Variants in CFDP1 observed in about 807,000 individuals in gnomAD.
CFDP1 encodes the protein heterochromatin-stabilizing protein CFDP1.
In CFDP1, 31 loss-of-function variants were observed where a neutral mutation model predicts 40.1. That is an observed-to-expected ratio of 0.77 (90% CI 0.58 to 1.04). CFDP1 has a LOEUF of 1.04. CFDP1 is among the 50% of genes least tolerant of loss of function. The pLI is 0.00. For missense variants in CFDP1, 423 were observed against 343.4 expected, an observed-to-expected ratio of 1.23 and a Z score of -1.83; for synonymous variants, 167 against 120.0, an observed-to-expected ratio of 1.39 and a Z score of -2.56.
intron 5 of CFDP1, among the ~76,000 whole-genome samples, chr16:75,322,941 G>C (rs1433875689): frequency 1.3e-5 from 2 of 152,120 alleles, no homozygotes; most frequent in Non-Finnish European, 2.9e-5. Context: ...AGTGGTGAGT[G>C]AATGTGACGG....
intron 5 of CFDP1, among the ~76,000 whole-genome samples, chr16:75,383,711 C>A (rs548515903): frequency 6.6e-6 from 1 of 150,954 alleles, no homozygotes; most frequent in East Asian, 2.0e-4. Context: ...CCCAGCTACT[C>A]GGGAAGCTGA....
intron 4 of CFDP1, among the ~76,000 whole-genome samples, chr16:75,404,543 C>G (rs926661059): frequency 6.6e-6 from 1 of 152,116 alleles, no homozygotes; most frequent in Non-Finnish European, 1.5e-5. Context: ...TCTTAAGATA[C>G]TGGTGGCCTA....
At chr16:75,342,635 G>A (rs192354394) in intron 5 of CFDP1, among the ~76,000 whole-genome samples, 9 of 151,950 alleles carry the variant, frequency 5.9e-5, no homozygotes, top group Admixed American at 1.3e-4. Context: ...ATACTACAGC[G>A]GAAAAAAAAC....
intron 1 of CFDP1, among the ~76,000 whole-genome samples, chr16:75,425,848 C>A (rs1167729478): frequency 6.7e-6 from 1 of 149,940 alleles, no homozygotes; most frequent in Non-Finnish European, 1.5e-5. Context: ...CCAGCCTGGC[C>A]AACATGGTGA....
At chr16:75,420,610 C>A (rs2079267091) in intron 1 of CFDP1, among the ~76,000 whole-genome samples, 1 of 152,142 alleles carries the variant, frequency 6.6e-6, no homozygotes. Context: ...GATTTGGACA[C>A]ACAAGCTATA....
intron 5 of CFDP1, among the ~76,000 whole-genome samples, chr16:75,337,241 C>G (rs1046212085): frequency 6.6e-6 from 1 of 152,206 alleles, no homozygotes; most frequent in Non-Finnish European, 1.5e-5. Flanking sequence ...AATGATGACA[C>G]TGGGAGAGGG....
intron 5 of CFDP1, among the ~76,000 whole-genome samples, chr16:75,361,684 A>G (rs2078680205): frequency 1.3e-5 from 2 of 152,132 alleles, no homozygotes; most frequent in Admixed American, 1.3e-4. Context: ...TAAAAAACTC[A>G]AAGAATTAAA....
chr16:75,353,056 T>G (rs759504086), intron 5 of CFDP1, among the ~76,000 whole-genome samples: 1 of 151,122 alleles, frequency 6.6e-6, no homozygotes, highest in Non-Finnish European at 1.5e-5. Flanking sequence ...GGCAACATCC[T>G]CAGTTTCTTC....
intron 1 of CFDP1, among the ~76,000 whole-genome samples, chr16:75,430,709 C>T (rs2079402707): frequency 6.6e-6 from 1 of 152,184 alleles, no homozygotes; most frequent in South Asian, 2.1e-4. Flanking sequence ...AATGATCCAC[C>T]AGCCTCTGCC....
chr16:75,351,884 T>A (rs373258954), intron 5 of CFDP1, among the ~76,000 whole-genome samples: 1 of 151,208 alleles, frequency 6.6e-6, no homozygotes, highest in African/African-American at 2.4e-5. Flanking sequence ...GGCACACGCC[T>A]ATAATCCCAG....
chr16:75,354,751 C>G (rs534238408), intron 5 of CFDP1, among the ~76,000 whole-genome samples: 5 of 152,102 alleles, frequency 3.3e-5, no homozygotes, highest in Admixed American at 6.6e-5. Context: ...GCAACTGGAT[C>G]CTGGAATAAG....
intron 5 of CFDP1, among the ~76,000 whole-genome samples, chr16:75,316,352 C>G (rs982637625): frequency 2.6e-5 from 4 of 152,264 alleles, no homozygotes; most frequent in Admixed American, 2.0e-4. Flanking sequence ...ATGCCTCACT[C>G]TATAACGTCT....
At chr16:75,418,236 G>A (rs2079230964) in intron 1 of CFDP1, among the ~76,000 whole-genome samples, 1 of 96,326 alleles carries the variant, frequency 1.0e-5, no homozygotes, top group Non-Finnish European at 1.9e-5. Flanking sequence ...TGGGCAACAA[G>A]AGTGAAACTC....
intron 5 of CFDP1, among the ~76,000 whole-genome samples, chr16:75,306,877 TCACACA>T (rs59846343): frequency 3.5e-4 from 47 of 135,648 alleles, no homozygotes; most frequent in Middle Eastern, 7.4e-3. Flanking sequence ...GTGCGCGTGA[TCACACA>T]CACACACACA....
chr16:75,398,497 A>G (rs1484756727), intron 4 of CFDP1, among the ~76,000 whole-genome samples: 2 of 152,192 alleles, frequency 1.3e-5, no homozygotes, highest in Non-Finnish European at 2.9e-5. Flanking sequence ...TGACTTCCAC[A>G]GGCTAGCAAA....
At chr16:75,356,350 G>C (rs1205980293) in intron 5 of CFDP1, among the ~76,000 whole-genome samples, 3 of 152,134 alleles carry the variant, frequency 2.0e-5, no homozygotes, top group Admixed American at 6.6e-5. Flanking sequence ...TAATCTTCTT[G>C]TACACATCCA....
intron 5 of CFDP1, among the ~76,000 whole-genome samples, chr16:75,314,778 G>C (rs2078314039): frequency 6.6e-6 from 1 of 152,136 alleles, no homozygotes; most frequent in African/African-American, 2.4e-5. Context: ...TTGAGACCAA[G>C]TCTCGCTCTG....
At chr16:75,410,961 G>C (rs1266638182) in intron 4 of CFDP1, among the ~76,000 whole-genome samples, 1 of 150,482 alleles carries the variant, frequency 6.6e-6, no homozygotes, top group Admixed American at 6.6e-5. Flanking sequence ...GCTCATGCCT[G>C]TAATCCTAGC....
intron 5 of CFDP1, among the ~76,000 whole-genome samples, chr16:75,373,601 G>C (rs1284574259): frequency 6.6e-6 from 1 of 152,122 alleles, no homozygotes; most frequent in South Asian, 2.1e-4. Flanking sequence ...ATTTCAGCTA[G>C]AGATACACAC....
Sources: allele counts gnomAD v4.1 joint callset (sites outside exome capture counted in the v4.1 genomes callset), GRCh38; gene constraint gnomAD v4.1.1; transcripts MANE v1.5; gene names NCBI Gene and HGNC (gene_info 2026-07-23, HGNC 2026-07-21).